The following SCHIP1 variants were observed in gnomAD, a reference collection of about 807,000 sequenced individuals.
SCHIP1 encodes schwannomin interacting protein 1, also known as schwannomin-interacting protein 1.
Under a neutral mutation model 29.7 loss-of-function variants are expected in SCHIP1, and 8 were observed. The observed-to-expected ratio is 0.27, with a 90% CI of 0.16 to 0.49. SCHIP1 has a LOEUF of 0.49. Among genes scored for constraint, SCHIP1 ranks in the 20% least tolerant of loss-of-function variants. SCHIP1 has a pLI of 0.99. For missense variants in SCHIP1, 193 were observed against 294.6 expected (o/e 0.66, Z 2.52); for synonymous variants, 76 against 94.9 (o/e 0.80, Z 1.16).
At chr3:159,476,076 T>C in the SCHIP1 span, among the ~76,000 whole-genome samples, 4 of 151,974 alleles carry the variant, frequency 2.6e-5, no homozygotes, top group Admixed American at 6.6e-5. Context: ...CAGCTCAGAG[T>C]TGGAAAAACT....
the SCHIP1 span, among the ~76,000 whole-genome samples, chr3:159,575,130 A>G: frequency 1.6e-4 from 25 of 152,148 alleles, no homozygotes; most frequent in African/African-American, 3.4e-4. Context: ...ACCAGTCCCA[A>G]TGAGATGAAC....
chr3:159,591,790 G>A, the SCHIP1 span, among the ~76,000 whole-genome samples: 14 of 151,974 alleles, frequency 9.2e-5, no homozygotes, highest in Admixed American at 7.2e-4. Context: ...CAAGGGGAGG[G>A]AGAGCATTAG....
the SCHIP1 span, among the ~76,000 whole-genome samples, chr3:159,402,903 C>T: frequency 5.3e-5 from 8 of 151,800 alleles, no homozygotes; most frequent in African/African-American, 1.9e-4. Flanking sequence ...GCATGTTGTG[C>T]ACAGGTCCCC....
At chr3:159,771,100 A>G in the SCHIP1 span, among the ~76,000 whole-genome samples, 13 of 152,238 alleles carry the variant, frequency 8.5e-5, no homozygotes, top group Admixed American at 3.3e-4. Context: ...TGTTTATACT[A>G]TTAGCTAGTA....
the SCHIP1 span, among the ~76,000 whole-genome samples, chr3:159,587,672 A>C: frequency 1.2e-4 from 19 of 152,038 alleles, no homozygotes; most frequent in East Asian, 2.7e-3. Context: ...TCCGGTGTCC[A>C]AGTGTTCTCA....
chr3:159,552,366 G>A, the SCHIP1 span, among the ~76,000 whole-genome samples: 3 of 151,908 alleles, frequency 2.0e-5, no homozygotes, highest in Non-Finnish European at 2.9e-5. Flanking sequence ...TTTAATTAGA[G>A]TCCTTTATTT....
chr3:159,413,896 AG>A, the SCHIP1 span, among the ~76,000 whole-genome samples: 1 of 152,224 alleles, frequency 6.6e-6, no homozygotes, highest in Non-Finnish European at 1.5e-5. Flanking sequence ...GCAAATCAAA[AG>A]TTTAAACACA....
the SCHIP1 span, among the ~76,000 whole-genome samples, chr3:159,297,494 C>T: frequency 1.3e-5 from 2 of 152,210 alleles, no homozygotes; most frequent in African/African-American, 4.8e-5. Context: ...CAGCCTGCCA[C>T]AGACAATAGA....
the SCHIP1 span, among the ~76,000 whole-genome samples, chr3:159,395,912 C>G: frequency 1.3e-5 from 2 of 152,192 alleles, no homozygotes; most frequent in Admixed American, 1.3e-4. Flanking sequence ...CTAATGTTGA[C>G]AGTGGGGTGT....
At chr3:159,517,536 G>T in the SCHIP1 span, among the ~76,000 whole-genome samples, 2 of 152,056 alleles carry the variant, frequency 1.3e-5, no homozygotes, top group African/African-American at 2.4e-5. Flanking sequence ...CATTGTTAAG[G>T]TGTTATTACT....
At chr3:159,795,960 G>T in the SCHIP1 span, among the ~76,000 whole-genome samples, 1 of 152,204 alleles carries the variant, frequency 6.6e-6, no homozygotes, top group Admixed American at 6.5e-5. Context: ...CAGGCATAAT[G>T]AATCAAAATC....
chr3:159,657,105 T>C, the SCHIP1 span, among the ~76,000 whole-genome samples: 2 of 152,200 alleles, frequency 1.3e-5, no homozygotes, highest in Non-Finnish European at 2.9e-5. Flanking sequence ...CATGTGCTAC[T>C]CTAAGTCTAC....
At chr3:159,634,835 CA>C in the SCHIP1 span, among the ~76,000 whole-genome samples, 2 of 152,246 alleles carry the variant, frequency 1.3e-5, no homozygotes, top group African/African-American at 4.8e-5. Context: ...TTATATTTTG[CA>C]GCAACTGTCA....
At chr3:159,547,683 A>G in the SCHIP1 span, among the ~76,000 whole-genome samples, 1 of 152,106 alleles carries the variant, frequency 6.6e-6, no homozygotes, top group African/African-American at 2.4e-5. Context: ...TCCTTTCCCC[A>G]TTGCTGGGGA....
At chr3:159,546,771 A>G in the SCHIP1 span, among the ~76,000 whole-genome samples, 1 of 152,104 alleles carries the variant, frequency 6.6e-6, no homozygotes, top group Non-Finnish European at 1.5e-5. Flanking sequence ...TTTTGGCTGC[A>G]TAGTATTCCA....
chr3:159,625,551 C>A, the SCHIP1 span, among the ~76,000 whole-genome samples: 14 of 152,090 alleles, frequency 9.2e-5, no homozygotes, highest in African/African-American at 3.4e-4. Flanking sequence ...TTATTTCCCT[C>A]CTACCTAATG....
the SCHIP1 span, among the ~76,000 whole-genome samples, chr3:159,671,039 T>C: frequency 3.9e-5 from 6 of 152,152 alleles, no homozygotes; most frequent in African/African-American, 1.4e-4. Flanking sequence ...CACAGAGCCC[T>C]GTGCAGCTGC....
the SCHIP1 span, among the ~76,000 whole-genome samples, chr3:159,536,000 T>C: frequency 6.6e-6 from 1 of 152,192 alleles, no homozygotes; most frequent in African/African-American, 2.4e-5. Context: ...CTATTTAAAT[T>C]TAAAATTAAA....
At chr3:159,759,647 C>T in the SCHIP1 span, among the ~76,000 whole-genome samples, 18,028 of 152,118 alleles carry the variant, frequency 0.12, 1,391 homozygotes, top group East Asian at 0.36. Flanking sequence ...GGACCCTTTA[C>T]CCCACAGGGC....
Sources: gnomAD v4.1 joint callset for allele counts (sites outside exome capture counted in the v4.1 genomes callset) on GRCh38, gnomAD v4.1.1 for gene constraint, MANE v1.5 for transcripts, NCBI Gene and HGNC (gene_info 2026-07-23, HGNC 2026-07-21) for gene names.